SIGLEC6: variants seen among roughly 807,000 people sequenced by gnomAD.
The protein encoded by SIGLEC6 is sialic acid-binding Ig-like lectin 6.
SIGLEC6 carries 31 observed loss-of-function variants against 41.4 expected under a neutral mutation model. The observed-to-expected ratio is 0.75, with a 90% CI of 0.56 to 1.01. The LOEUF is 1.01. SIGLEC6 is among the 50% of genes least tolerant of loss of function. SIGLEC6 has a pLI of 0.00. For synonymous variants in SIGLEC6, 217 were observed against 231.0 expected (o/e 0.94, Z 0.55); for missense variants, 555 against 558.6 (o/e 0.99, Z 0.06).
At chr19:51,525,724 G>A (rs1343706272) in intron 7 of SIGLEC6, among the ~76,000 whole-genome samples, 7 of 152,128 alleles carry the variant, frequency 4.6e-5, no homozygotes, top group Admixed American at 4.6e-4. Context: ...GCTTCCCTGT[G>A]GGACCCCTAC....
chr19:51,522,697 T>A (rs1240307604), intron 7 of SIGLEC6, among the ~76,000 whole-genome samples: 1 of 152,046 alleles, frequency 6.6e-6, no homozygotes, highest in African/African-American at 2.4e-5. Context: ...AGTCTGAGGC[T>A]GGAGAATTGC....
chr19:51,527,544 TA>T (rs1216414982), intron 7 of SIGLEC6, among the ~76,000 whole-genome samples: 2 of 152,198 alleles, frequency 1.3e-5, no homozygotes, highest in African/African-American at 4.8e-5. Context: ...TCATCAGAAC[TA>T]TTAGATTCAG....
chr19:51,522,598 CAACATGGTG>C (rs769172937), intron 7 of SIGLEC6, among the ~76,000 whole-genome samples: 24 of 152,260 alleles, frequency 1.6e-4, no homozygotes, highest in South Asian at 1.0e-3. Context: ...CCAGCCTGGG[CAACATGGTG>C]AAATCCCATC....
rs374363984 is a variant in SIGLEC6 at position 51,530,653 on chromosome 19, G to T, written c.706+28C>A. On this transcript the variant is annotated intron_variant, in intron 3 of 7. Coordinates refer to ENST00000425629, the MANE Select transcript of SIGLEC6 (RefSeq NM_001245.7). ...TGCCCTGTCCCCCCACACCCTCAGG[G>T]ACCCGGGCGTCCTGGCCCAGCACTC... The T allele has an allele frequency of 1.1e-5, 17 of 1,611,244 alleles. No homozygotes were observed. The African/African-American group carries it at 2.1e-4, about 20-fold the overall frequency.
chr19:51,521,701 A>G (rs768671252), intron 7 of SIGLEC6, among the ~76,000 whole-genome samples: 1 of 152,020 alleles, frequency 6.6e-6, no homozygotes, highest in Non-Finnish European at 1.5e-5. Flanking sequence ...CCCCAGCACC[A>G]ATTTTTCCTG....
In SIGLEC6 at chr19:51,527,848, C is replaced by A. The variant is rs1979496668; in HGVS notation, c.1107-20G>T. ...TTCACTCTGAGGGAACAGCCCTAAG[C>A]CTTTCAGCCTGGTTATTTGGAGCCT... On this transcript the variant is annotated intron_variant, in intron 6 of 7. Coordinates refer to ENST00000425629, the MANE Select transcript of SIGLEC6 (RefSeq NM_001245.7). 1 of 1,611,216 alleles carries A rather than the reference C, an allele frequency of 6.2e-7. No individual in the cohort carries two copies. Among genetic ancestry groups the A allele is most frequent in the South Asian group, 1.1e-5 (1 of 90,842 alleles).
chr19:51,523,835 A>C (rs956674674), intron 7 of SIGLEC6, among the ~76,000 whole-genome samples: 1 of 152,186 alleles, frequency 6.6e-6, no homozygotes, highest in Admixed American at 6.5e-5. Flanking sequence ...CCTGGCTAAC[A>C]CGGTGAAAGC....
rs960285467 is a variant in SIGLEC6 at position 51,519,319 on chromosome 19, C to T, written c.*763G>A. On this transcript the variant is annotated 3_prime_UTR_variant, in exon 8 of 8. Coordinates refer to ENST00000425629, the MANE Select transcript of SIGLEC6 (RefSeq NM_001245.7). ...CAGAAAAAAAAAAAAAAAAAAAAAG[C>T]TAGCCAAAGCCAGATACAAGGCATT... Among the ~76,000 whole-genome samples the T allele has an allele frequency of 1.5e-4, 13 of 89,320 alleles. No individual in the cohort carries two copies. In the East Asian group the frequency reaches 3.0e-3, roughly 20 times the overall value. 58.6% of individuals were successfully genotyped at this position (89,320 alleles called of 152,430 possible). A position where few individuals can be genotyped will look rare whatever the true frequency, so the allele number is the denominator to read the frequency against.
At chr19:51,531,072 C>T (rs1020783101) in intron 2 of SIGLEC6, 88 bp downstream of exon 2, 23 of 1,557,928 alleles carry the variant, frequency 1.5e-5, no homozygotes, top group African/African-American at 5.5e-5. Flanking sequence ...TAATTGTACC[C>T]GCCTCCCAAG....
Position 51,531,643 on chromosome 19 carries a change from C to A in SIGLEC6, c.6G>T (p.Gln2His), listed in dbSNP as rs757585533. 1.9e-6 allele frequency: 3 copies of A among 1,603,722 alleles called. No homozygotes were observed. The highest frequency in any genetic ancestry group is 2.6e-6 in the Non-Finnish European group (3 of 1,175,138). M[Q>H]GAQEASASEM... is the part of the protein sequence containing the mutation. ...CTGAGGCGGAGGCTTCCTGGGCTCCCTGCATGAGCAGAGAAGGGGAAGGGA... is the reference window on the plus strand; with the variant it reads ...CTGAGGCGGAGGCTTCCTGGGCTCCATGCATGAGCAGAGAAGGGGAAGGGA... Residue 2 changes from glutamine to histidine, a missense_variant, in exon 1 of 8, where the codon CAG becomes CAT. By Grantham distance (24) the Gln-to-His change is conservative. Transcript: ENST00000425629.
At chr19:51,528,347 C>T (rs1979591680) in intron 5 of SIGLEC6, 94 bp from the exon 6 acceptor site, 1 of 1,014,452 alleles carries the variant, frequency 9.9e-7, no homozygotes, top group African/African-American at 1.6e-5. Flanking sequence ...TGACCACCCC[C>T]ATCCAGGACT....
At chr19:51,530,090 G>A (rs1979993261) in intron 4 of SIGLEC6, 109 bp from the exon 5 acceptor site, 1 of 1,343,744 alleles carries the variant, frequency 7.4e-7, no homozygotes. Flanking sequence ...GACTAGTAAA[G>A]TGGGGGCCTC....
Position 51,527,671 on chromosome 19 carries a change from A to G in SIGLEC6, c.1188+76T>C, listed in dbSNP as rs868840522. ...GGGAATGTCAGGTGTTAATGAAGAA[A>G]TGCCTCAGGGTCCTTACTTAGGGCA... On this transcript the variant is annotated intron_variant, in intron 7 of 7. Coordinates refer to ENST00000425629, the MANE Select transcript of SIGLEC6 (RefSeq NM_001245.7). 52 of 1,260,664 alleles carry G rather than the reference A, an allele frequency of 4.1e-5. 1 individual carries two copies. In the Middle Eastern group the frequency reaches 3.9e-3, roughly 93 times the overall value. 78.1% of individuals were successfully genotyped at this position (1,260,664 alleles called of 1,614,324 possible).
chr19:51,526,701 G>C (rs1443016518), intron 7 of SIGLEC6, among the ~76,000 whole-genome samples: 1 of 152,004 alleles, frequency 6.6e-6, no homozygotes, highest in East Asian at 1.9e-4. Flanking sequence ...AGAATGAAAT[G>C]GATAAAATAA....
intron 4 of SIGLEC6, 128 bp downstream of exon 4, chr19:51,530,309 G>T: frequency 1.2e-6 from 1 of 859,338 alleles, no homozygotes; most frequent in Non-Finnish European, 1.8e-6. Context: ...GGCTGGGGGT[G>T]AGCAAAGATT....
chr19:51,524,330 A>T (rs2122347473), intron 7 of SIGLEC6, among the ~76,000 whole-genome samples: 1 of 152,346 alleles, frequency 6.6e-6, no homozygotes, highest in Admixed American at 6.5e-5. Context: ...AGAACACTAG[A>T]GTGGTAATAT....
intron 7 of SIGLEC6, among the ~76,000 whole-genome samples, chr19:51,526,982 A>C (rs1186761168): frequency 6.6e-6 from 1 of 152,232 alleles, no homozygotes; most frequent in Non-Finnish European, 1.5e-5. Flanking sequence ...AAATTAACTC[A>C]GGCAGACAAA....
At chr19:51,521,254 A>G (rs766732249) in intron 7 of SIGLEC6, among the ~76,000 whole-genome samples, 5 of 152,232 alleles carry the variant, frequency 3.3e-5, no homozygotes, top group Non-Finnish European at 7.3e-5. Context: ...AACACACACT[A>G]AGTGTGTTAT....
At position 51,531,621 on chromosome 19, in the gene SIGLEC6, A is replaced by G; in HGVS notation, c.28T>C (p.Ser10Pro). The stretch of plus-strand genomic sequence containing the variant: ...GGCAGCAGCAGCGGTAGCATCTCTG[A>G]GGCGGAGGCTTCCTGGGCTCCCTGC... Reference protein sequence around the residue: MQGAQEASASEMLPLLLPLL... With the variant: MQGAQEASAPEMLPLLLPLL... Residue 10 changes from serine to proline, a missense_variant, in exon 1 of 8, where the codon TCA (serine) becomes CCA (proline). Coordinates refer to ENST00000425629, the MANE Select transcript of SIGLEC6 (RefSeq NM_001245.7). The G allele has an allele frequency of 6.2e-7, 1 of 1,611,702 alleles. No homozygotes were observed. The highest frequency in any genetic ancestry group is 8.5e-7 in the Non-Finnish European group (1 of 1,178,944).
Sources: allele counts gnomAD v4.1 joint callset (sites outside exome capture counted in the v4.1 genomes callset), GRCh38; gene constraint gnomAD v4.1.1; transcripts MANE v1.5; gene names NCBI Gene and HGNC (gene_info 2026-07-23, HGNC 2026-07-21).